The following SCHIP1 variants were observed in gnomAD, a reference collection of about 807,000 sequenced individuals.
SCHIP1 encodes the protein schwannomin interacting protein 1.
A neutral mutation model predicts 29.7 loss-of-function variants in SCHIP1; 8 were observed. That is an observed-to-expected ratio of 0.27 (90% CI 0.16 to 0.49). The LOEUF is 0.49. Ranked by LOEUF, SCHIP1 falls within the 20% of genes least tolerant of loss-of-function variation. The pLI, the probability that SCHIP1 is intolerant of heterozygous loss-of-function variation, is 0.99. For missense variants in SCHIP1, 193 were observed against 294.6 expected, an observed-to-expected ratio of 0.66 and a Z score of 2.52; for synonymous variants, 76 against 94.9, an observed-to-expected ratio of 0.80 and a Z score of 1.16.
chr3:159,792,244 C>T, the SCHIP1 span, among the ~76,000 whole-genome samples: 5 of 152,082 alleles, frequency 3.3e-5, no homozygotes, highest in African/African-American at 4.8e-5. Flanking sequence ...GGCTGTGCCT[C>T]AAAGGTATGG....
the SCHIP1 span, among the ~76,000 whole-genome samples, chr3:159,449,170 A>G: frequency 6.6e-6 from 1 of 152,170 alleles, no homozygotes; most frequent in Non-Finnish European, 1.5e-5. Context: ...GCCTTGCTCA[A>G]ATGCTAGAAG....
At chr3:159,322,241 C>T in the SCHIP1 span, among the ~76,000 whole-genome samples, 8 of 152,108 alleles carry the variant, frequency 5.3e-5, no homozygotes, top group African/African-American at 1.9e-4. Flanking sequence ...TTTGGTGTTT[C>T]AACAATGTCA....
chr3:159,691,092 T>C, the SCHIP1 span, among the ~76,000 whole-genome samples: 1 of 152,232 alleles, frequency 6.6e-6, no homozygotes, highest in African/African-American at 2.4e-5. Context: ...GAGAGTTCTA[T>C]AGATGTCTAT....
the SCHIP1 span, among the ~76,000 whole-genome samples, chr3:159,802,330 A>C: frequency 6.6e-6 from 1 of 152,224 alleles, no homozygotes; most frequent in South Asian, 2.1e-4. Flanking sequence ...AAGGCTCCTG[A>C]TCTCCTGGAG....
the SCHIP1 span, among the ~76,000 whole-genome samples, chr3:159,729,132 G>A: frequency 6.6e-6 from 1 of 151,622 alleles, no homozygotes; most frequent in Non-Finnish European, 1.5e-5. Context: ...TAGGAGACAG[G>A]TGAGACTCTG....
At chr3:159,894,277 T>G (rs1478099391) in intron 6 of SCHIP1, 1 of 152,206 alleles carries the variant, frequency 6.6e-6, no homozygotes, top group South Asian at 2.1e-4. Flanking sequence ...CTCCCTGACC[T>G]CCAAACACTT....
the SCHIP1 span, among the ~76,000 whole-genome samples, chr3:159,569,889 G>C: frequency 6.6e-6 from 1 of 152,130 alleles, no homozygotes; most frequent in African/African-American, 2.4e-5. Flanking sequence ...ATCTCAGTGT[G>C]GTTTTGATTT....
the SCHIP1 span, among the ~76,000 whole-genome samples, chr3:159,802,723 T>C: frequency 2.0e-5 from 3 of 152,156 alleles, no homozygotes; most frequent in Non-Finnish European, 4.4e-5. Context: ...ACATAAACAG[T>C]GGATATAGCA....
the SCHIP1 span, among the ~76,000 whole-genome samples, chr3:159,647,573 T>G: frequency 4.6e-5 from 7 of 152,242 alleles, no homozygotes; most frequent in East Asian, 1.4e-3. Context: ...GTACCAGCAG[T>G]GTCTGTCAGA....
chr3:159,863,997 T>G (rs1714340105), intron 1 of SCHIP1, among the ~76,000 whole-genome samples: 1 of 152,202 alleles, frequency 6.6e-6, no homozygotes, highest in Non-Finnish European at 1.5e-5. Context: ...TGAACATTAA[T>G]CATTAAAATT....
At chr3:159,384,895 A>G in the SCHIP1 span, among the ~76,000 whole-genome samples, 1 of 152,144 alleles carries the variant, frequency 6.6e-6, no homozygotes, top group Admixed American at 6.5e-5. Context: ...GTTTATTTGC[A>G]TAGAGGTGTT....
intron 4 of SCHIP1, 176 bp from the exon 6 acceptor site, chr3:159,888,644 G>C (rs1367408381): frequency 1.4e-5 from 11 of 786,816 alleles, no homozygotes; most frequent in African/African-American, 3.6e-5. Context: ...TTGCATATTA[G>C]GTAATGTAGT....
chr3:159,637,371 C>CACACACA, the SCHIP1 span, among the ~76,000 whole-genome samples: 1 of 134,660 alleles, frequency 7.4e-6, no homozygotes, highest in East Asian at 2.3e-4. Context: ...CCGGCCCCAG[C>CACACACA]CACACACACA....
chr3:159,784,816 G>C, the SCHIP1 span, among the ~76,000 whole-genome samples: 1 of 152,108 alleles, frequency 6.6e-6, no homozygotes, highest in Non-Finnish European at 1.5e-5. Context: ...ACCATGCCCA[G>C]CTGATTTTTG....
the SCHIP1 span, among the ~76,000 whole-genome samples, chr3:159,704,579 C>T: frequency 6.6e-6 from 1 of 152,074 alleles, no homozygotes; most frequent in Non-Finnish European, 1.5e-5. Context: ...ATCTAGCAGT[C>T]ACTTAATAAA....
chr3:159,871,526 A>T (rs1319115229), intron 2 of SCHIP1, among the ~76,000 whole-genome samples: 1 of 152,184 alleles, frequency 6.6e-6, no homozygotes, highest in Non-Finnish European at 1.5e-5. Flanking sequence ...TAATCACTAA[A>T]TATTTGTTGA....
chr3:159,807,246 C>A, the SCHIP1 span, among the ~76,000 whole-genome samples: 1 of 152,158 alleles, frequency 6.6e-6, no homozygotes, highest in Non-Finnish European at 1.5e-5. Flanking sequence ...CCCATTTGAA[C>A]AGTCCCCTGT....
the SCHIP1 span, among the ~76,000 whole-genome samples, chr3:159,584,038 T>C: frequency 1.3e-5 from 2 of 152,328 alleles, no homozygotes; most frequent in African/African-American, 4.8e-5. Context: ...GACCTCATCT[T>C]GCACTGATTA....
chr3:159,692,641 T>A, the SCHIP1 span, among the ~76,000 whole-genome samples: 1 of 152,312 alleles, frequency 6.6e-6, no homozygotes, highest in East Asian at 1.9e-4. Context: ...TTTATCAAGG[T>A]TCTTAGCTTC....
Sources: allele counts gnomAD v4.1 joint callset (sites outside exome capture counted in the v4.1 genomes callset), GRCh38; gene constraint gnomAD v4.1.1; transcripts MANE v1.5; gene names NCBI Gene and HGNC (gene_info 2026-07-23, HGNC 2026-07-21).